MYT1L: variants seen among roughly 807,000 people sequenced by gnomAD.
MYT1L encodes the protein myelin transcription factor 1-like protein.
A neutral mutation model predicts 126.7 loss-of-function variants in MYT1L; 12 were observed. The ratio of observed to expected loss-of-function variants is 0.09; its 90% CI spans 0.06 to 0.15. MYT1L has a LOEUF of 0.15. Among genes scored for constraint, MYT1L ranks in the 10% least tolerant of loss-of-function variants. The probability of loss-of-function intolerance (pLI) is 1.00; values close to 1 mark genes in which losing one functional copy is unlikely to be tolerated. For missense variants in MYT1L, 979 were observed against 1,585.2 expected (o/e 0.62, Z 6.49); for synonymous variants, 541 against 604.2 (o/e 0.90, Z 1.53).
intron 1 of MYT1L, among the ~76,000 whole-genome samples, chr2:2,287,055 G>T (rs1306225484): frequency 6.6e-6 from 1 of 152,080 alleles, no homozygotes; most frequent in Non-Finnish European, 1.5e-5. Flanking sequence ...TCGGGAGTTC[G>T]AGACCAGTCT....
At chr2:2,270,070 G>A in intron 2 of MYT1L, among the ~76,000 whole-genome samples, 1 of 152,162 alleles carries the variant, frequency 6.6e-6, no homozygotes, top group East Asian at 1.9e-4. Context: ...TCAAGAGCGT[G>A]GCGTCTTCAT....
chr2:2,294,055 G>A (rs888581369), intron 1 of MYT1L, among the ~76,000 whole-genome samples: 3 of 151,948 alleles, frequency 2.0e-5, no homozygotes, highest in Admixed American at 6.5e-5. Context: ...GAGTAAGGAG[G>A]AAGAGAAAAA....
intron 3 of MYT1L, among the ~76,000 whole-genome samples, chr2:2,163,263 A>G (rs2088342159): frequency 6.6e-6 from 1 of 152,096 alleles, no homozygotes; most frequent in Non-Finnish European, 1.5e-5. Flanking sequence ...GGGGGCCTTC[A>G]TCACCACCCT....
In MYT1L at chr2:1,887,206, C is replaced by A; in HGVS notation, c.2642+282G>T. On this transcript the variant is annotated intron_variant, in intron 17 of 24. Transcript: ENST00000647738. This position sits in a 1 kb window ranked among gnomAD's most constrained non-coding sequence, Gnocchi z 4.8. ...ACTTTTAAAAAAGTTTCATTGTTTC[C>A]AGTTTAGCTGCAATGTCTGCAAGGG... The A allele has an allele frequency of 4.8e-6, 2 of 412,526 alleles. No homozygotes were observed. Among genetic ancestry groups the A allele is most frequent in the Non-Finnish European group, 8.5e-6 (2 of 234,994 alleles). 25.6% of individuals were successfully genotyped at this position (412,526 alleles called of 1,614,324 possible). A position where few individuals can be genotyped will look rare whatever the true frequency, so the allele number is the denominator to read the frequency against.
At chr2:2,288,397 G>C (rs1465138603) in intron 1 of MYT1L, among the ~76,000 whole-genome samples, 1 of 152,204 alleles carries the variant, frequency 6.6e-6, no homozygotes, top group East Asian at 1.9e-4. Context: ...ACAGAGCAAA[G>C]TATTGAGAAG....
chr2:2,065,823 T>TACACAC (rs71824780), intron 3 of MYT1L, among the ~76,000 whole-genome samples: 9 of 144,928 alleles, frequency 6.2e-5, no homozygotes, highest in African/African-American at 1.8e-4. Flanking sequence ...CTCTCTTTTA[T>TACACAC]ACACACACAC....
chr2:2,143,665 G>A (rs775500292), intron 3 of MYT1L, among the ~76,000 whole-genome samples: 3 of 152,138 alleles, frequency 2.0e-5, no homozygotes, highest in Non-Finnish European at 4.4e-5. Context: ...ACAGAAGGCT[G>A]AGACATGGGG....
chr2:1,934,262 A>T lies in MYT1L; in HGVS notation c.505+8720T>A, dbSNP rs904922920. ...TGCTGGGATTACAGGCGTGGGCCAC[A>T]GCCCCCCGCCTGATTTTGATTTTTA... On this transcript the variant is annotated intron_variant, in intron 9 of 24. Transcript: ENST00000647738. Among the ~76,000 whole-genome samples the T allele has an allele frequency of 4.7e-5, 7 of 148,304 alleles. 1 individual carries two copies. Among genetic ancestry groups the T allele is most frequent in the South Asian group, 4.2e-4 (2 of 4,720 alleles).
At chr2:1,818,904 C>T (rs780246116) in intron 21 of MYT1L, among the ~76,000 whole-genome samples, 1 of 152,184 alleles carries the variant, frequency 6.6e-6, no homozygotes, top group Non-Finnish European at 1.5e-5. Flanking sequence ...GAACAGTGAC[C>T]TCTGTGGCAG....
intron 18 of MYT1L, among the ~76,000 whole-genome samples, chr2:1,873,629 C>G (rs1003371912): frequency 3.3e-5 from 5 of 152,192 alleles, no homozygotes; most frequent in Non-Finnish European, 5.9e-5. Context: ...TGGCAGGCAT[C>G]AGGCACCATT....
intron 2 of MYT1L, among the ~76,000 whole-genome samples, chr2:2,233,215 A>T (rs546111332): frequency 9.7e-4 from 148 of 152,364 alleles, no homozygotes; most frequent in Middle Eastern, 3.4e-3. Context: ...TTCCAAGGTC[A>T]GATGATCAGC....
intron 3 of MYT1L, among the ~76,000 whole-genome samples, chr2:2,134,678 A>G (rs886986389): frequency 1.3e-5 from 2 of 152,206 alleles, no homozygotes; most frequent in African/African-American, 4.8e-5. Context: ...ATGGGCGCTT[A>G]CCAGACAGAC....
intron 1 of MYT1L, chr2:2,324,479 G>C (rs2096218925): frequency 6.5e-6 from 1 of 152,676 alleles, no homozygotes; most frequent in South Asian, 2.1e-4. Flanking sequence ...CTTCTCATCT[G>C]TATGCTAATT....
chr2:2,320,232 G>T (rs1235262272), intron 1 of MYT1L, among the ~76,000 whole-genome samples: 2 of 151,988 alleles, frequency 1.3e-5, no homozygotes, highest in African/African-American at 4.8e-5. Flanking sequence ...ACGTGTAAAA[G>T]CCCCAGAGCC....
chr2:1,840,359 A>G (rs1328448390), intron 20 of MYT1L, among the ~76,000 whole-genome samples: 9 of 152,086 alleles, frequency 5.9e-5, no homozygotes, highest in Non-Finnish European at 8.8e-5. Context: ...GCAGGGTATA[A>G]CTAAACTATT....
At chr2:2,197,182 T>C (rs2092836330) in intron 2 of MYT1L, among the ~76,000 whole-genome samples, 1 of 152,164 alleles carries the variant, frequency 6.6e-6, no homozygotes, top group Non-Finnish European at 1.5e-5. Flanking sequence ...GAAATAGATA[T>C]CTAGTCTGAA....
chr2:1,922,314 G>C lies in MYT1L; in HGVS notation c.1455C>G (p.Ser485Arg), dbSNP rs779689003. The C allele has an allele frequency of 1.2e-6, 2 of 1,613,726 alleles. No individual in the cohort carries two copies. The highest frequency in any genetic ancestry group is 1.7e-6 in the Non-Finnish European group (2 of 1,179,796). Residue 485 changes from serine to arginine, a missense_variant, in exon 10 of 25, where the codon AGC becomes AGG. Physicochemically the swap from Ser to Arg is moderately radical, Grantham distance 110. Coordinates refer to ENST00000647738, the MANE Select transcript of MYT1L (RefSeq NM_001303052.2). The surrounding 1 kb of genome is among the most constrained non-coding windows in gnomAD (Gnocchi z 7.4). The part of the protein sequence containing the change: ...GEDRKPKSSD[S>R]HVKKPYYGKD... Reference sequence around the variant, plus strand: ...TACCATAGTATGGCTTTTTGACATGGCTGTCACTGGATTTAGGCTTTCTGT... The same window carrying C: ...TACCATAGTATGGCTTTTTGACATGCCTGTCACTGGATTTAGGCTTTCTGT...
At chr2:1,991,999 C>A (rs551908451) in intron 5 of MYT1L, among the ~76,000 whole-genome samples, 8 of 152,336 alleles carry the variant, frequency 5.3e-5, no homozygotes, top group Admixed American at 1.3e-4. Flanking sequence ...GCCCTAACCT[C>A]TCCGGTCAGC....
chr2:2,064,111 C>T (rs1176506096), intron 3 of MYT1L, among the ~76,000 whole-genome samples: 1 of 152,134 alleles, frequency 6.6e-6, no homozygotes, highest in Non-Finnish European at 1.5e-5. Flanking sequence ...GTATTGACAG[C>T]AGAACTGAGG....
Sources: gnomAD v4.1 joint callset for allele counts (sites outside exome capture counted in the v4.1 genomes callset) on GRCh38, gnomAD v4.1.1 for gene constraint, Gnocchi (gnomAD v3.1) non-coding constraint, MANE v1.5 for transcripts, NCBI Gene and HGNC (gene_info 2026-07-23, HGNC 2026-07-21) for gene names.